Variants in FAM24A observed in about 807,000 individuals in gnomAD.
FAM24A encodes protein FAM24A.
FAM24A carries 2 observed loss-of-function variants against 2.8 expected under a neutral mutation model. The ratio of observed to expected loss-of-function variants is 0.73; its 90% CI spans 0.30 to 2.28. FAM24A has a LOEUF of 2.28. Ranked by LOEUF, FAM24A falls within the 30% of genes most tolerant of loss-of-function variation. FAM24A has a pLI of 0.12. For missense variants in FAM24A, 109 were observed against 132.0 expected (o/e 0.83, Z 0.85); for synonymous variants, 46 against 47.5 (o/e 0.97, Z 0.13).
rs371905795 is a variant in FAM24A, at chr10:122,911,703, G to C, written c.69G>C (p.Ala23=). ...IGIGSSLLVA[A]MVLLSVVFCL... ...TCGGAAGCAGCTTACTGGTTGCCGC[G>C]ATGGTGCTCCTAAGTGTTGTGTTCT... The change falls in exon 2 of 3, where the codon GCG becomes GCC. Residue 23 remains alanine, a synonymous_variant. Coordinates refer to ENST00000368894, the MANE Select transcript of FAM24A (RefSeq NM_001029888.3). 2 of 1,614,148 alleles carry C rather than the reference G, an allele frequency of 1.2e-6. No homozygotes were observed. Among genetic ancestry groups the C allele is most frequent in the Non-Finnish European group, 1.7e-6 (2 of 1,180,024 alleles).
In FAM24A at chr10:122,910,616, C is replaced by A. The variant is rs1169983878; in HGVS notation, c.-206C>A. On this transcript the variant is annotated 5_prime_UTR_variant, in exon 1 of 3. Coordinates refer to ENST00000368894, the MANE Select transcript of FAM24A (RefSeq NM_001029888.3). ...TGAATGTCAGAATAGGCCCATTCTA[C>A]CAGCTCTGGCTGAGCCTGAGCTTCC... 6.6e-6 allele frequency: 1 copy of A among 152,198 alleles called. No individual in the cohort carries two copies. The highest frequency in any genetic ancestry group is 1.9e-4 in the East Asian group (1 of 5,190). 9.4% of individuals were successfully genotyped at this position (152,198 alleles called of 1,614,324 possible).
At chr10:122,911,439 T>C (rs1464922767) in intron 1 of FAM24A, among the ~76,000 whole-genome samples, 194 bp from the exon 2 acceptor site, 2 of 152,188 alleles carry the variant, frequency 1.3e-5, no homozygotes, top group African/African-American at 4.8e-5. Flanking sequence ...GGAGTTTGCA[T>C]TTAAGTCCAT....
At position 122,912,784 on chromosome 10, in the gene FAM24A, G is replaced by A; in HGVS notation, c.148G>A (p.Val50Met). Reference sequence around the variant, plus strand: ...AAGAGCTGCAAAGGACCCTGATGCTGTGGCTGTAAAAAATCACAACCCAGA... The same window carrying A: ...AAGAGCTGCAAAGGACCCTGATGCTATGGCTGTAAAAAATCACAACCCAGA... ...ALKAAKDPDA[V>M]AVKNHNPDKV... The change falls in exon 3 of 3, where the codon GTG becomes ATG. Residue 50 changes from valine (V) to methionine (M), a missense_variant. Coordinates refer to ENST00000368894, the MANE Select transcript of FAM24A (RefSeq NM_001029888.3). 1.9e-6 allele frequency: 3 copies of A among 1,613,476 alleles called. No homozygotes were observed. Among genetic ancestry groups the A allele is most frequent in the Non-Finnish European group, 2.5e-6 (3 of 1,179,852 alleles).
chr10:122,911,398 C>A (rs1425747217), intron 1 of FAM24A, among the ~76,000 whole-genome samples: 1 of 152,096 alleles, frequency 6.6e-6, no homozygotes, highest in African/African-American at 2.4e-5. Context: ...AGATTCTTCC[C>A]ACTGTCTGTC....
At chr10:122,912,295 C>G (rs897496198) in intron 2 of FAM24A, among the ~76,000 whole-genome samples, 3 of 151,976 alleles carry the variant, frequency 2.0e-5, no homozygotes, top group Non-Finnish European at 4.4e-5. Context: ...GACTCTGGGA[C>G]AGCTGACATG....
At chr10:122,911,391 T>G (rs936644589) in intron 1 of FAM24A, among the ~76,000 whole-genome samples, 11 of 152,158 alleles carry the variant, frequency 7.2e-5, no homozygotes, top group African/African-American at 2.7e-4. Context: ...GAGGGAAAGA[T>G]TCTTCCCACT....
chr10:122,911,236 T>C (rs905884115), intron 1 of FAM24A, among the ~76,000 whole-genome samples: 4 of 152,238 alleles, frequency 2.6e-5, no homozygotes, highest in Admixed American at 6.5e-5. Context: ...CTTAGTTTCA[T>C]AAAATAATTT....
intron 2 of FAM24A, 21 bp from the exon 3 acceptor site, chr10:122,912,741 C>A: frequency 6.3e-7 from 1 of 1,597,484 alleles, no homozygotes; most frequent in Non-Finnish European, 8.5e-7. Context: ...TAAGCCTGAG[C>A]TTTGTGTGTC....
intron 2 of FAM24A, 78 bp from the exon 3 acceptor site, chr10:122,912,684 C>T: frequency 7.0e-7 from 1 of 1,427,814 alleles, no homozygotes; most frequent in South Asian, 1.3e-5. Flanking sequence ...ACTAAACTTC[C>T]CAGATACCCC....
At chr10:122,912,058 T>TTGTTCAGCACCTTGGCCAGTGCCCCACTC (rs1347885505) in intron 2 of FAM24A, among the ~76,000 whole-genome samples, 1 of 152,056 alleles carries the variant, frequency 6.6e-6, no homozygotes, top group Non-Finnish European at 1.5e-5. Flanking sequence ...AAGCCTCCCT[T>TTGTTCAGCACCTTGGCCAGTGCCCCACTC]TGTTCAGCAC....
chr10:122,911,572 G>A lies in FAM24A; in HGVS notation c.-2-61G>A, dbSNP rs927360499. 5.6e-6 allele frequency: 9 copies of A among 1,598,730 alleles called. No individual in the cohort carries two copies. The Admixed American group carries it at 6.8e-5, about 12-fold the overall frequency. ...TTCACTCTTCCTCTACTAACGGAAG[G>A]TTGTTTAGTGGCTGTGTGGGGAGGA... On this transcript the variant is annotated intron_variant, in intron 1 of 2. Transcript: ENST00000368894.
chr10:122,913,104 G>A lies in FAM24A; in HGVS notation c.*150G>A, dbSNP rs1848336735. ...TACTTCTGAATAAATGTGCAATATT[G>A]GAAATAATCCTCTGCCTCCAGTATT... On this transcript the variant is annotated 3_prime_UTR_variant, in exon 3 of 3. Transcript: ENST00000368894. 4.7e-6 allele frequency: 3 copies of A among 634,878 alleles called. No individual in the cohort carries two copies. The highest frequency in any genetic ancestry group is 6.6e-5 in the East Asian group (2 of 30,330). 39.3% of individuals were successfully genotyped at this position (634,878 alleles called of 1,614,324 possible).
At position 122,912,814 on chromosome 10, in the gene FAM24A, G is replaced by C. The variant is rs1320774029; in HGVS notation, c.178G>C (p.Val60Leu). Reference protein sequence around the residue: ...VAVKNHNPDKVCWATNSQAKA... With the variant: ...VAVKNHNPDKLCWATNSQAKA... ...TGTAAAAAATCACAACCCAGACAAG[G>C]TGTGTTGGGCCACGAACAGCCAGGC... Residue 60 changes from valine to leucine, a missense_variant, in exon 3 of 3, where the codon GTG becomes CTG. Val to Leu is a conservative substitution (Grantham distance 32). Transcript: ENST00000368894. The C allele has an allele frequency of 1.2e-6, 2 of 1,613,986 alleles. No homozygotes were observed. The highest frequency in any genetic ancestry group is 1.3e-5 in the African/African-American group (1 of 74,904).
rs1241994470 is a variant in FAM24A at position 122,913,013 on chromosome 10, TTTA to T, written c.*65_*67del. 15 of 1,478,800 alleles carry T rather than the reference TTTA, an allele frequency of 1.0e-5. No homozygotes were observed. Among genetic ancestry groups the T allele is most frequent in the African/African-American group, 2.8e-5 (2 of 70,986 alleles). 91.6% of individuals were successfully genotyped at this position (1,478,800 alleles called of 1,614,324 possible). On this transcript the variant is annotated 3_prime_UTR_variant, in exon 3 of 3. Coordinates refer to ENST00000368894, the MANE Select transcript of FAM24A (RefSeq NM_001029888.3). ...CAATATTTCTTTCTTAATAGAATGT[TTTA>T]TTATTCAAGTCAAGTTCTAGAGTGT...
rs777479509 is a variant in FAM24A at position 122,912,711 on chromosome 10, T to C, written c.126-51T>C. 5.8e-6 allele frequency: 9 copies of C among 1,547,778 alleles called. No individual in the cohort carries two copies. The Admixed American group carries it at 1.3e-4, about 23-fold the overall frequency. On this transcript the variant is annotated intron_variant, in intron 2 of 2. Transcript: ENST00000368894. ...AGATACCCCCAACAATTCTAACAAA[T>C]GGACTGAGAAGAAAAATTCTAAGCC...
intron 2 of FAM24A, 66 bp downstream of exon 2, chr10:122,911,825 C>A: frequency 6.3e-7 from 1 of 1,591,988 alleles, no homozygotes; most frequent in South Asian, 1.1e-5. Context: ...CCTATTTGAG[C>A]AAGGTCATTC....
intron 1 of FAM24A, 104 bp from the exon 2 acceptor site, chr10:122,911,529 G>A: frequency 6.6e-7 from 1 of 1,519,270 alleles, no homozygotes; most frequent in South Asian, 1.3e-5. Context: ...TTTGCTTGCA[G>A]TTTACATGTG....
chr10:122,911,001 G>A (rs755606841), intron 1 of FAM24A, among the ~76,000 whole-genome samples, 182 bp downstream of exon 1: 5 of 152,100 alleles, frequency 3.3e-5, no homozygotes, highest in Non-Finnish European at 7.4e-5. Flanking sequence ...ACAGAATGAG[G>A]GACAGGGGCT....
rs1029113804 is a variant in FAM24A, at chr10:122,910,674, TA to T, written c.-146del. ...AGCTGAGCTGTTCAACCTTGGATCT[TA>T]ATTACTCCTAGCAGGGATAATTAGG... is the stretch of plus-strand genomic sequence containing the variant. On this transcript the variant is annotated 5_prime_UTR_variant, in exon 1 of 3. Transcript: ENST00000368894. 6.6e-6 allele frequency: 1 copy of T among 152,176 alleles called. No homozygotes were observed. Among genetic ancestry groups the T allele is most frequent in the Admixed American group, 6.5e-5 (1 of 15,286 alleles). 9.4% of individuals were successfully genotyped at this position (152,176 alleles called of 1,614,324 possible). A position where few individuals can be genotyped will look rare whatever the true frequency, so the allele number is the denominator to read the frequency against.
Sources: allele counts gnomAD v4.1 joint callset (sites outside exome capture counted in the v4.1 genomes callset), GRCh38; gene constraint gnomAD v4.1.1; transcripts MANE v1.5; gene names NCBI Gene and HGNC (gene_info 2026-07-23, HGNC 2026-07-21).